GALNT2: variants seen among roughly 807,000 people sequenced by gnomAD.
GALNT2 encodes the protein polypeptide N-acetylgalactosaminyltransferase 2, also known as UDP-GalNAc:polypeptide N-acetylgalactosaminyltransferase 2.
Under a neutral mutation model 81.4 loss-of-function variants are expected in GALNT2, and 31 were observed. The observed-to-expected ratio is 0.38, with a 90% CI of 0.29 to 0.51. The LOEUF is 0.51. Ranked by LOEUF, GALNT2 falls within the 20% of genes least tolerant of loss-of-function variation. The pLI, the probability that GALNT2 is intolerant of heterozygous loss-of-function variation, is 0.87. For synonymous variants in GALNT2, 303 were observed against 287.4 expected, an observed-to-expected ratio of 1.05 and a Z score of -0.55; for missense variants, 629 against 765.7, an observed-to-expected ratio of 0.82 and a Z score of 2.11.
At position 230,243,522 on chromosome 1, in the gene GALNT2, G is replaced by A. The variant is rs1291475953; in HGVS notation, c.729+95G>A. The A allele has an allele frequency of 1.3e-6, 2 of 1,483,698 alleles. No homozygotes were observed. The highest frequency in any genetic ancestry group is 1.4e-5 in the African/African-American group (1 of 70,560). The allele number at this position is 1,483,698 out of a possible 1,614,324, so 91.9% of individuals were successfully genotyped here. A position where few individuals can be genotyped will look rare whatever the true frequency, so the allele number is the denominator to read the frequency against. On this transcript the variant is annotated intron_variant, in intron 7 of 15. Coordinates refer to ENST00000366672, the MANE Select transcript of GALNT2 (RefSeq NM_004481.5). The surrounding 1 kb of genome is among the most constrained non-coding windows in gnomAD (Gnocchi z 4.2). ...GTCCAGGGGAGGTGTAACGCAGGGA[G>A]TAGGGCGTCAGGGCTGGTAGGGGCT... is the stretch of plus-strand genomic sequence containing the variant.
At chr1:230,066,597 A>G (rs1006826363), upstream of GALNT2, among the ~76,000 whole-genome samples, 10 of 152,368 alleles carry the variant, frequency 6.6e-5, no homozygotes, top group Admixed American at 5.2e-4. Context: ...GATTAGTGAG[A>G]AAACTGCAGC....
intron 3 of GALNT2, among the ~76,000 whole-genome samples, chr1:230,225,674 G>GTTT (rs199933306): frequency 6.4e-5 from 9 of 141,146 alleles, no homozygotes; most frequent in African/African-American, 8.4e-5. Context: ...AGGAGGCAGA[G>GTTT]TTTTTTTGTT....
chr1:230,143,254 T>C (rs1356245684), intron 1 of GALNT2, among the ~76,000 whole-genome samples: 2 of 152,224 alleles, frequency 1.3e-5, no homozygotes, highest in Non-Finnish European at 2.9e-5. Context: ...TCTCTGGCTT[T>C]CAGTTTCTGC....
chr1:230,129,979 G>C (rs924217310), intron 1 of GALNT2, among the ~76,000 whole-genome samples: 1 of 152,204 alleles, frequency 6.6e-6, no homozygotes, highest in Non-Finnish European at 1.5e-5. Context: ...TACGCTGAAC[G>C]GGCACAATTG....
Position 230,279,222 on chromosome 1 carries a change from A to G in GALNT2, c.1561-81A>G. 2.1e-6 allele frequency: 3 copies of G among 1,449,706 alleles called. No individual in the cohort carries two copies. Among genetic ancestry groups the G allele is most frequent in the South Asian group, 2.7e-5 (2 of 74,550 alleles). 89.8% of individuals were successfully genotyped at this position (1,449,706 alleles called of 1,614,324 possible). The stretch of plus-strand genomic sequence containing the variant: ...CTATCTGTGAGTTTTTAATGCAGCC[A>G]CAAGGTCCTGAATTCACACGAATCT... On this transcript the variant is annotated intron_variant, in intron 15 of 15. Transcript: ENST00000366672. This position sits in a 1 kb window ranked among gnomAD's most constrained non-coding sequence, Gnocchi z 4.6.
intron 2 of GALNT2, among the ~76,000 whole-genome samples, chr1:230,182,727 A>G (rs1663199186): frequency 6.6e-6 from 1 of 152,216 alleles, no homozygotes; most frequent in Admixed American, 6.5e-5. Flanking sequence ...GAATTAGTCT[A>G]TAGATATCAA....
In GALNT2 at chr1:230,278,200, C is replaced by T. The variant is rs530957347; in HGVS notation, c.1561-1103C>T. The stretch of plus-strand genomic sequence containing the variant: ...TGGGTATGACCATAGCTCACTGCAG[C>T]CTCGAACTCCTGTGCCCAAGCGATC... On this transcript the variant is annotated intron_variant, in intron 15 of 15. Coordinates refer to ENST00000366672, the MANE Select transcript of GALNT2 (RefSeq NM_004481.5). Among the ~76,000 whole-genome samples, 23 of 150,830 alleles carry T rather than the reference C, an allele frequency of 1.5e-4. No homozygotes were observed. The South Asian group carries it at 4.8e-3, about 32-fold the overall frequency.
At chr1:230,177,759 G>A (rs1230758311) in intron 1 of GALNT2, among the ~76,000 whole-genome samples, 6 of 152,168 alleles carry the variant, frequency 3.9e-5, no homozygotes, top group African/African-American at 1.4e-4. Flanking sequence ...TCTCTGAGGG[G>A]AGCTCAAAGG....
rs550857621 is a variant in GALNT2 at position 230,188,089 on chromosome 1, C to G, written c.220+9778C>G. Among the ~76,000 whole-genome samples the G allele has an allele frequency of 5.3e-5, 8 of 152,272 alleles. No individual in the cohort carries two copies. In the South Asian group the frequency reaches 1.7e-3, roughly 32 times the overall value. On this transcript the variant is annotated intron_variant, in intron 2 of 15. Coordinates refer to ENST00000366672, the MANE Select transcript of GALNT2 (RefSeq NM_004481.5). ...CCACTCTCTCCTACCCAGTATTTCC[C>G]TGCCTCCTGTTTGTATCATAAAGTG...
intron 1 of GALNT2, among the ~76,000 whole-genome samples, chr1:230,118,016 TC>T (rs1334561885): frequency 1.3e-5 from 2 of 152,210 alleles, no homozygotes; most frequent in African/African-American, 4.8e-5. Flanking sequence ...TGTTCATCCC[TC>T]CCAACCCCGA....
chr1:230,068,773 T>C (rs1659285488), intron 1 of GALNT2, among the ~76,000 whole-genome samples: 1 of 152,218 alleles, frequency 6.6e-6, no homozygotes, highest in African/African-American at 2.4e-5. Context: ...TAAAGCCCTC[T>C]TTCCACGTGC....
intron 2 of GALNT2, among the ~76,000 whole-genome samples, chr1:230,181,288 A>G (rs1663151474): frequency 6.6e-6 from 1 of 152,112 alleles, no homozygotes; most frequent in African/African-American, 2.4e-5. Context: ...TAGTTTGAGA[A>G]TTTGTAACAT....
At chr1:230,251,477 G>A (rs762704798) in intron 10 of GALNT2, among the ~76,000 whole-genome samples, 3 of 152,160 alleles carry the variant, frequency 2.0e-5, no homozygotes, top group African/African-American at 4.8e-5. Flanking sequence ...TCTCATCTTT[G>A]AGGATTTCTC....
intron 1 of GALNT2, among the ~76,000 whole-genome samples, chr1:230,060,530 A>G (rs919219709): frequency 6.6e-6 from 1 of 151,188 alleles, no homozygotes; most frequent in African/African-American, 2.4e-5. Flanking sequence ...CCTCACCACC[A>G]CCACCCCCAC....
chr1:230,186,977 A>G (rs773617291), intron 2 of GALNT2, among the ~76,000 whole-genome samples: 3 of 152,216 alleles, frequency 2.0e-5, no homozygotes, highest in Non-Finnish European at 2.9e-5. Context: ...GAACACAGCT[A>G]AAGTTTTATG....
chr1:230,094,729 A>G (rs1362469678), intron 1 of GALNT2, among the ~76,000 whole-genome samples: 3 of 152,226 alleles, frequency 2.0e-5, no homozygotes, highest in Non-Finnish European at 4.4e-5. Flanking sequence ...AAACTATTAC[A>G]AGAGAAACAG....
rs570302864 is a variant in GALNT2, at chr1:230,198,106, C to G, written c.221-5031C>G. Among the ~76,000 whole-genome samples the G allele has an allele frequency of 2.6e-5, 4 of 152,360 alleles. No individual in the cohort carries two copies. In the South Asian group the frequency reaches 8.3e-4, roughly 32 times the overall value. ...CACGAAGCTGCGTTCCTCCCAGTCACGCGCAGGATTGGATTCCTTTTCACG... is the reference window on the plus strand; with the variant it reads ...CACGAAGCTGCGTTCCTCCCAGTCAGGCGCAGGATTGGATTCCTTTTCACG... On this transcript the variant is annotated intron_variant, in intron 2 of 15. Coordinates refer to ENST00000366672, the MANE Select transcript of GALNT2 (RefSeq NM_004481.5).
At chr1:230,138,486 C>T (rs1400740541) in intron 1 of GALNT2, among the ~76,000 whole-genome samples, 2 of 147,664 alleles carry the variant, frequency 1.4e-5, no homozygotes, top group Non-Finnish European at 3.0e-5. Flanking sequence ...GATCACGCCT[C>T]TGCACCCCAG....
chr1:230,111,158 T>C (rs1660694814), intron 1 of GALNT2, among the ~76,000 whole-genome samples: 1 of 152,246 alleles, frequency 6.6e-6, no homozygotes, highest in Non-Finnish European at 1.5e-5. Context: ...CATGCACACA[T>C]GTACACAGCA....
Sources: allele counts gnomAD v4.1 joint callset (sites outside exome capture counted in the v4.1 genomes callset), GRCh38; gene constraint gnomAD v4.1.1; non-coding constraint Gnocchi (gnomAD v3.1); transcripts MANE v1.5; gene names NCBI Gene and HGNC (gene_info 2026-07-23, HGNC 2026-07-21).